Variants in ZCCHC17 observed in about 807,000 individuals in gnomAD.
The protein encoded by ZCCHC17 is zinc finger CCHC-type containing 17.
Under a neutral mutation model 30.6 loss-of-function variants are expected in ZCCHC17, and 18 were observed. That is an observed-to-expected ratio of 0.59 (90% confidence interval 0.41 to 0.87). ZCCHC17 has a LOEUF of 0.87. ZCCHC17 is among the 40% of genes least tolerant of loss of function. The pLI is 0.00. For synonymous variants in ZCCHC17, 88 were observed against 92.4 expected (o/e 0.95, Z 0.27); for missense variants, 263 against 284.2 (o/e 0.93, Z 0.54).
At chr1:31,303,331 C>T (rs1049182791) in intron 1 of ZCCHC17, among the ~76,000 whole-genome samples, 1 of 152,168 alleles carries the variant, frequency 6.6e-6, no homozygotes, top group Admixed American at 6.6e-5. Flanking sequence ...ATTATTCTGT[C>T]TCTGTTCATA....
chr1:31,363,929 C>G (rs1053699590), intron 7 of ZCCHC17, 103 bp from the exon 8 acceptor site: 1 of 1,478,580 alleles, frequency 6.8e-7, no homozygotes, highest in Non-Finnish European at 9.0e-7. Context: ...TCCCAAAGTA[C>G]TAGGATTACA....
rs1187480382 is a variant in ZCCHC17 at position 31,310,228 on chromosome 1, G to A, written c.66+64G>A. 3 of 1,554,302 alleles carry A rather than the reference G, an allele frequency of 1.9e-6. No individual in the cohort carries two copies. The African/African-American group carries it at 4.1e-5, about 21-fold the overall frequency. On this transcript the variant is annotated intron_variant, in intron 2 of 7. Coordinates refer to ENST00000344147, the MANE Select transcript of ZCCHC17 (RefSeq NM_016505.4). ...TAAAATAGATTAAGGGTGACAACTG[G>A]GTTTGTTGTTCCTGTCCACTTAAGT...
chr1:31,342,331 A>C (rs766333651), intron 5 of ZCCHC17, among the ~76,000 whole-genome samples: 3 of 152,222 alleles, frequency 2.0e-5, no homozygotes, highest in Non-Finnish European at 4.4e-5. Flanking sequence ...GGCATGAGCC[A>C]CTACCGCTCA....
At chr1:31,332,333 G>A (rs562022296) in intron 3 of ZCCHC17, among the ~76,000 whole-genome samples, 4 of 152,232 alleles carry the variant, frequency 2.6e-5, no homozygotes, top group African/African-American at 7.2e-5. Context: ...GAGGGCGAGG[G>A]CTAGACTGTG....
chr1:31,343,919 A>G (rs1340057580), intron 5 of ZCCHC17, among the ~76,000 whole-genome samples: 1 of 139,464 alleles, frequency 7.2e-6, no homozygotes, highest in Non-Finnish European at 1.5e-5. Flanking sequence ...CAGTGGCACG[A>G]TCTCGGCTCA....
intron 7 of ZCCHC17, among the ~76,000 whole-genome samples, chr1:31,356,214 T>G (rs954688782): frequency 6.6e-6 from 1 of 152,214 alleles, no homozygotes; most frequent in Non-Finnish European, 1.5e-5. Context: ...AGCCAAGCTA[T>G]GTATGGTGGT....
intron 3 of ZCCHC17, among the ~76,000 whole-genome samples, chr1:31,332,465 A>G (rs1638630508): frequency 6.6e-6 from 1 of 152,124 alleles, no homozygotes; most frequent in African/African-American, 2.4e-5. Flanking sequence ...CTATGTCCAT[A>G]TGAGGCATAG....
At chr1:31,348,724 T>G in intron 6 of ZCCHC17, 105 bp from the exon 7 acceptor site, 1 of 1,396,546 alleles carries the variant, frequency 7.2e-7, no homozygotes. Flanking sequence ...CTCAACAATA[T>G]TTCCTGAGCC....
intron 5 of ZCCHC17, among the ~76,000 whole-genome samples, chr1:31,343,846 A>C (rs1282216738): frequency 1.2e-5 from 1 of 80,776 alleles, no homozygotes; most frequent in Non-Finnish European, 2.2e-5. Context: ...TGCCCCACTA[A>C]TTTTTTTTTT....
intron 3 of ZCCHC17, among the ~76,000 whole-genome samples, chr1:31,325,870 T>G (rs1295661416): frequency 6.6e-6 from 1 of 152,058 alleles, no homozygotes; most frequent in East Asian, 1.9e-4. Flanking sequence ...TGACACCATC[T>G]TTACAAAAAG....
intron 2 of ZCCHC17, among the ~76,000 whole-genome samples, chr1:31,316,230 T>G (rs1646728846): frequency 6.6e-6 from 1 of 152,212 alleles, no homozygotes; most frequent in Non-Finnish European, 1.5e-5. Context: ...GCTACCCAAG[T>G]AGCTGGGATT....
intron 7 of ZCCHC17, among the ~76,000 whole-genome samples, chr1:31,355,813 G>A (rs1249913779): frequency 6.6e-6 from 1 of 152,184 alleles, no homozygotes; most frequent in African/African-American, 2.4e-5. Context: ...GCTCACAACT[G>A]TAAATCAAGA....
chr1:31,303,544 G>A (rs1225556083), intron 1 of ZCCHC17, among the ~76,000 whole-genome samples: 2 of 152,100 alleles, frequency 1.3e-5, no homozygotes, highest in African/African-American at 4.8e-5. Flanking sequence ...TTCCAAAAAG[G>A]CTATAAAATG....
intron 6 of ZCCHC17, 32 bp downstream of exon 6, chr1:31,346,772 C>T (rs763530881): frequency 1.9e-6 from 3 of 1,613,562 alleles, no homozygotes; most frequent in Middle Eastern, 1.7e-4. Context: ...TTCCACGTTT[C>T]TCTCCTTGTG....
At chr1:31,309,819 C>T (rs1374337407) in intron 1 of ZCCHC17, among the ~76,000 whole-genome samples, 3 of 151,586 alleles carry the variant, frequency 2.0e-5, no homozygotes, top group African/African-American at 7.3e-5. Context: ...CCAAACACAA[C>T]AAAATTAGTA....
intron 3 of ZCCHC17, among the ~76,000 whole-genome samples, chr1:31,331,235 G>C (rs879564757): frequency 2.0e-5 from 3 of 151,890 alleles, no homozygotes; most frequent in Non-Finnish European, 4.4e-5. Context: ...CTCCATCTCC[G>C]GTTCAAGTGA....
intron 1 of ZCCHC17, chr1:31,297,317 TGGC>T (rs1330410336): frequency 7.6e-6 from 3 of 396,360 alleles, no homozygotes; most frequent in African/African-American, 2.1e-5. Context: ...GCGCCCATCG[TGGC>T]CAGTCCTGTG....
intron 2 of ZCCHC17, among the ~76,000 whole-genome samples, chr1:31,316,324 A>G (rs762814607): frequency 6.6e-6 from 1 of 151,908 alleles, no homozygotes; most frequent in Non-Finnish European, 1.5e-5. Context: ...CTGGTCTCGA[A>G]CTCCTGGCCT....
intron 5 of ZCCHC17, among the ~76,000 whole-genome samples, chr1:31,344,363 C>T (rs1639163464): frequency 1.3e-5 from 2 of 152,170 alleles, no homozygotes; most frequent in Non-Finnish European, 2.9e-5. Flanking sequence ...ATGTCTCCCT[C>T]CATTGCCAGA....
Sources: allele counts gnomAD v4.1 joint callset (sites outside exome capture counted in the v4.1 genomes callset), GRCh38; gene constraint gnomAD v4.1.1; transcripts MANE v1.5; gene names NCBI Gene and HGNC (gene_info 2026-07-23, HGNC 2026-07-21).